The following GBF1 variants were observed in gnomAD, a reference collection of about 807,000 sequenced individuals.
GBF1 encodes Golgi-specific brefeldin A-resistance guanine nucleotide exchange factor 1.
A neutral mutation model predicts 210.5 loss-of-function variants in GBF1; 114 were observed. The ratio of observed to expected loss-of-function variants is 0.54; its 90% CI spans 0.47 to 0.63. GBF1 has a LOEUF of 0.63. Ranked by LOEUF, GBF1 falls within the 30% of genes least tolerant of loss-of-function variation. GBF1 has a pLI of 0.00. For missense variants in GBF1, 1,851 were observed against 2,357.7 expected (o/e 0.79, Z 4.45); for synonymous variants, 850 against 889.2 (o/e 0.96, Z 0.78).
chr10:102,381,967 G>C (rs549986901), intron 39 of GBF1, 89 bp from the exon 40 acceptor site: 44 of 1,166,332 alleles, frequency 3.8e-5, no homozygotes, highest in Middle Eastern at 4.2e-4. Context: ...AGGAGGAACA[G>C]AGACTCTATA....
intron 33 of GBF1, among the ~76,000 whole-genome samples, chr10:102,377,865 C>T (rs561447587): frequency 6.6e-6 from 1 of 152,132 alleles, no homozygotes; most frequent in South Asian, 2.1e-4. Flanking sequence ...ATTATGTGAG[C>T]AGAGTTTATA....
At chr10:102,374,555 A>G (rs1271396653) in intron 29 of GBF1, among the ~76,000 whole-genome samples, 1 of 152,018 alleles carries the variant, frequency 6.6e-6, no homozygotes, top group Non-Finnish European at 1.5e-5. Context: ...ACTGCACTCC[A>G]GCCTGGGTGA....
chr10:102,341,007 G>A (rs1290682586), intron 3 of GBF1, among the ~76,000 whole-genome samples: 1 of 152,106 alleles, frequency 6.6e-6, no homozygotes, highest in Non-Finnish European at 1.5e-5. Context: ...AAGATGTTAA[G>A]GGAATGAAAA....
intron 30 of GBF1, among the ~76,000 whole-genome samples, chr10:102,375,912 G>C (rs2060469403): frequency 6.6e-6 from 1 of 151,888 alleles, no homozygotes; most frequent in Non-Finnish European, 1.5e-5. Context: ...TCTGTGAGCA[G>C]ACTTTATATC....
intron 3 of GBF1, among the ~76,000 whole-genome samples, chr10:102,314,436 C>T (rs1292108388): frequency 4.6e-5 from 7 of 152,112 alleles, no homozygotes; most frequent in African/African-American, 1.2e-4. Context: ...TATGAGCCAC[C>T]GCACCCAGCA....
chr10:102,376,539 G>GCTC, intron 31 of GBF1, 21 bp from the exon 32 acceptor site: 1 of 1,613,626 alleles, frequency 6.2e-7, no homozygotes, highest in Non-Finnish European at 8.5e-7. Context: ...TGTGTCCCCA[G>GCTC]CTCCTCTGTG....
chr10:102,232,124 A>C, the GBF1 span: 2 of 1,245,234 alleles, frequency 1.6e-6, no homozygotes. Flanking sequence ...GACCAGGGTA[A>C]TGGGGGTAAA....
chr10:102,343,155 G>A (rs2058313400), intron 3 of GBF1, among the ~76,000 whole-genome samples: 2 of 152,184 alleles, frequency 1.3e-5, no homozygotes, highest in African/African-American at 4.8e-5. Flanking sequence ...ATTACAGACT[G>A]CCTCCATGAC....
Position 102,366,118 on chromosome 10 carries a change from G to A in GBF1, c.2310-265G>A, listed in dbSNP as rs983663631. On this transcript the variant is annotated intron_variant, in intron 18 of 39. Coordinates refer to ENST00000369983, the MANE Select transcript of GBF1 (RefSeq NM_001377137.1). This position sits in a 1 kb window ranked among gnomAD's most constrained non-coding sequence, Gnocchi z 4.0. ...AAAGGGACTCCAACGAGATAGTTTG[G>A]GGAGCCCCCTCCATTCTGCATGGAG... Among the ~76,000 whole-genome samples, 1 of 152,154 alleles carries A rather than the reference G, an allele frequency of 6.6e-6. No individual in the cohort carries two copies. The highest frequency in any genetic ancestry group is 2.4e-5 in the African/African-American group (1 of 41,430).
In GBF1 at chr10:102,369,620, AGAG is replaced by A; in HGVS notation, c.3151-85_3151-83del. On this transcript the variant is annotated intron_variant, in intron 24 of 39. Transcript: ENST00000369983. Reference sequence around the variant, plus strand: ...CACAATAGCATAGGGGCAGAAGACTAGAGGAGGAAATCCAGAGAACTTTGGTGG... The same window carrying A: ...CACAATAGCATAGGGGCAGAAGACTAGAGGAAATCCAGAGAACTTTGGTGG... 1.0e-5 allele frequency: 12 copies of A among 1,194,846 alleles called. No homozygotes were observed. The Middle Eastern group carries it at 1.3e-3, about 127-fold the overall frequency. 74.0% of individuals were successfully genotyped at this position (1,194,846 alleles called of 1,614,324 possible).
intron 3 of GBF1, among the ~76,000 whole-genome samples, chr10:102,317,680 G>T (rs1364639974): frequency 6.6e-6 from 1 of 152,086 alleles, no homozygotes; most frequent in African/African-American, 2.4e-5. Context: ...ATCACCTAAA[G>T]ATAACTATTA....
intron 1 of GBF1, among the ~76,000 whole-genome samples, chr10:102,246,161 C>G (rs902846939): frequency 6.6e-6 from 1 of 152,172 alleles, no homozygotes; most frequent in Non-Finnish European, 1.5e-5. Context: ...GGTTTTCAGA[C>G]TTTAGATGTG....
chr10:102,272,487 C>T (rs2074544181), intron 3 of GBF1, among the ~76,000 whole-genome samples: 1 of 152,136 alleles, frequency 6.6e-6, no homozygotes, highest in Non-Finnish European at 1.5e-5. Flanking sequence ...GTTAATTTTT[C>T]TTTTTGTAAT....
chr10:102,263,640 G>A (rs1290258652), intron 3 of GBF1, among the ~76,000 whole-genome samples: 1 of 152,068 alleles, frequency 6.6e-6, no homozygotes, highest in Non-Finnish European at 1.5e-5. Flanking sequence ...TATTGTGAAG[G>A]AAATAAGTCC....
upstream of GBF1, among the ~76,000 whole-genome samples, chr10:102,240,768 G>A (rs2070514269): frequency 6.6e-6 from 1 of 152,244 alleles, no homozygotes; most frequent in African/African-American, 2.4e-5. Context: ...ACTCTGATCC[G>A]CACAGCGGCC....
the GBF1 span, among the ~76,000 whole-genome samples, chr10:102,232,362 G>A: frequency 6.6e-6 from 1 of 152,106 alleles, no homozygotes; most frequent in African/African-American, 2.4e-5. Context: ...ATACAGTTGG[G>A]GTTCAATATT....
chr10:102,254,662 T>A (rs911624356), intron 1 of GBF1, among the ~76,000 whole-genome samples: 2 of 152,204 alleles, frequency 1.3e-5, no homozygotes, highest in Non-Finnish European at 2.9e-5. Flanking sequence ...ACTCAGAGTC[T>A]CTGGGCCAGT....
Position 102,379,657 on chromosome 10 carries a change from A to T in GBF1, c.4776+6A>T. 6.2e-7 allele frequency: 1 copy of T among 1,613,860 alleles called. No homozygotes were observed. Among genetic ancestry groups the T allele is most frequent in the Non-Finnish European group, 8.5e-7 (1 of 1,179,858 alleles). On this transcript the variant is annotated splice_donor_region_variant and intron_variant, in intron 35 of 39. Coordinates refer to ENST00000369983, the MANE Select transcript of GBF1 (RefSeq NM_001377137.1). ...GGGAGTCCTGTTTTAACAAGGTGGG[A>T]CTTCCTACTGGTCTTAAGATAAAGT...
In GBF1 at chr10:102,358,542, C is replaced by T; in HGVS notation, c.824C>T (p.Ser275Phe). 1 of 1,614,064 alleles carries T rather than the reference C, an allele frequency of 6.2e-7. No homozygotes were observed. The highest frequency in any genetic ancestry group is 8.5e-7 in the Non-Finnish European group (1 of 1,179,916). Reference protein sequence around the residue: ...MPFIDVPTPISSASSEAASAV... With the variant: ...MPFIDVPTPIFSASSEAASAV... ...TTCATTGATGTGCCCACTCCCATCT[C>T]CTCTGCAAGTTCAGAAGCTGCCTCA... The change falls in exon 10 of 40, where the codon TCC becomes TTC. Residue 275 changes from serine (S) to phenylalanine (F), a missense_variant. This residue lies in a region of GBF1 where 804 missense variants were observed against 958.6 expected (regional missense o/e 0.84). Transcript: ENST00000369983.
Sources: allele counts gnomAD v4.1 joint callset (sites outside exome capture counted in the v4.1 genomes callset), GRCh38; gene constraint gnomAD v4.1.1; regional missense constraint gnomAD v4.1.1; non-coding constraint Gnocchi (gnomAD v3.1); transcripts MANE v1.5; gene names NCBI Gene and HGNC (gene_info 2026-07-23, HGNC 2026-07-21).